The following NEDD4 variants were observed in gnomAD, a reference collection of about 807,000 sequenced individuals.
NEDD4 encodes the protein NEDD4 E3 ubiquitin protein ligase, also known as E3 ubiquitin-protein ligase NEDD4.
In NEDD4, 99 loss-of-function variants were observed where a neutral mutation model predicts 144.9. That is an observed-to-expected ratio of 0.68 (90% CI 0.58 to 0.81). The LOEUF (loss-of-function observed/expected upper bound fraction) is 0.81. NEDD4 is among the 30% of genes least tolerant of loss of function. The pLI is 0.00. For missense variants in NEDD4, 985 were observed against 1,065.9 expected (o/e 0.92, Z 1.06); for synonymous variants, 318 against 350.6 (o/e 0.91, Z 1.04).
intron 1 of NEDD4, among the ~76,000 whole-genome samples, chr15:55,977,297 A>G (rs1489602862): frequency 6.6e-6 from 1 of 152,216 alleles, no homozygotes; most frequent in Non-Finnish European, 1.5e-5. Flanking sequence ...TTACTAATGC[A>G]TACAGTATTC....
At chr15:55,865,633 AC>A (rs1207666522) in intron 8 of NEDD4, among the ~76,000 whole-genome samples, 1 of 152,050 alleles carries the variant, frequency 6.6e-6, no homozygotes, top group Non-Finnish European at 1.5e-5. Flanking sequence ...CCTTAGATAC[AC>A]AGAGCTTCTG....
intron 4 of NEDD4, among the ~76,000 whole-genome samples, chr15:55,941,817 C>T (rs1003051307): frequency 2.0e-5 from 3 of 152,178 alleles, no homozygotes; most frequent in Non-Finnish European, 4.4e-5. Flanking sequence ...AAGTGATATG[C>T]CTGCATCGGC....
At chr15:55,889,810 T>C (rs941386195) in intron 5 of NEDD4, among the ~76,000 whole-genome samples, 8 of 152,034 alleles carry the variant, frequency 5.3e-5, no homozygotes, top group African/African-American at 1.9e-4. Flanking sequence ...AAGCAATTCT[T>C]GTGCCTCAGC....
intron 5 of NEDD4, among the ~76,000 whole-genome samples, chr15:55,895,821 C>G (rs546674720): frequency 6.6e-6 from 1 of 152,170 alleles, no homozygotes; most frequent in South Asian, 2.1e-4. Context: ...TAACGCTGGT[C>G]ATATAATTGG....
intron 5 of NEDD4, chr15:55,917,202 GAAC>G (rs145549988): frequency 0.32 from 304,036 of 961,792 alleles, 49,477 homozygotes; most frequent in South Asian, 0.41. Flanking sequence ...AGTAACACAA[GAAC>G]AACAATCTTC....
intron 16 of NEDD4, 37 bp downstream of exon 16, chr15:55,848,484 C>CA (rs758132315): frequency 6.3e-5 from 102 of 1,612,596 alleles, no homozygotes; most frequent in Non-Finnish European, 8.2e-5. Context: ...AAATTTATTA[C>CA]AAAAAATAAC....
At chr15:55,922,296 T>G (rs1279978122) in intron 5 of NEDD4, among the ~76,000 whole-genome samples, 3 of 152,300 alleles carry the variant, frequency 2.0e-5, no homozygotes, top group African/African-American at 7.2e-5. Flanking sequence ...CAAAAAAGCA[T>G]ATCAGAGGAA....
chr15:55,941,378 A>G (rs549839590), intron 4 of NEDD4, among the ~76,000 whole-genome samples: 2 of 152,244 alleles, frequency 1.3e-5, no homozygotes, highest in South Asian at 4.1e-4. Flanking sequence ...TTCATCCCAC[A>G]TTTGGTATGT....
At chr15:55,977,284 G>A (rs1217191127) in intron 1 of NEDD4, among the ~76,000 whole-genome samples, 1 of 152,036 alleles carries the variant, frequency 6.6e-6, no homozygotes, top group Non-Finnish European at 1.5e-5. Context: ...TATTTACATT[G>A]TATTACTAAT....
chr15:55,989,550 C>T (rs4144243), intron 1 of NEDD4, among the ~76,000 whole-genome samples: 123,391 of 152,162 alleles, frequency 0.81, 50,294 homozygotes, highest in East Asian at 0.99. Flanking sequence ...TCTTACCCTG[C>T]TACTTATGCA....
intron 1 of NEDD4, among the ~76,000 whole-genome samples, chr15:55,977,927 T>C (rs917106845): frequency 6.6e-6 from 1 of 152,158 alleles, no homozygotes; most frequent in Non-Finnish European, 1.5e-5. Context: ...ATCTCTTCTG[T>C]GATGACTTAA....
intron 4 of NEDD4, among the ~76,000 whole-genome samples, chr15:55,937,899 T>C (rs933723026): frequency 3.9e-5 from 6 of 152,228 alleles, no homozygotes; most frequent in Non-Finnish European, 4.4e-5. Context: ...TAATAGTTCC[T>C]GATTTCCAAA....
In NEDD4 at chr15:55,833,088, T is replaced by A. The variant is rs1300550081; in HGVS notation, c.2447A>T (p.Asp816Val). Reference protein sequence around the residue: ...QWFWKAVLMMDSEKRIRLLQF... With the variant: ...QWFWKAVLMMVSEKRIRLLQF... ...AAGTAATCTTATTCTTTTTTCTGAA[T>A]CCATCATTAAAACAGCCTGAATAAG... Residue 816 changes from aspartate (D) to valine (V), a missense_variant, in exon 27 of 29, where the codon GAT (aspartate) becomes GTT (valine). Transcript: ENST00000435532. 6.2e-7 allele frequency: 1 copy of A among 1,612,164 alleles called. No homozygotes were observed. The highest frequency in any genetic ancestry group is 1.1e-5 in the South Asian group (1 of 91,020).
At chr15:55,979,357 T>A (rs1349412501) in intron 1 of NEDD4, among the ~76,000 whole-genome samples, 1 of 130,514 alleles carries the variant, frequency 7.7e-6, no homozygotes, top group African/African-American at 2.9e-5. Context: ...TTTTTTTTTT[T>A]TTTTTTTGAG....
At chr15:55,964,603 G>A (rs2037478460) in intron 2 of NEDD4, among the ~76,000 whole-genome samples, 1 of 150,820 alleles carries the variant, frequency 6.6e-6, no homozygotes, top group East Asian at 1.9e-4. Flanking sequence ...ATTATATCCT[G>A]GACATATATT....
In NEDD4 at chr15:55,923,322, A is replaced by C. The variant is rs574146889; in HGVS notation, c.291+1324T>G. ...CTGTAACTAACCATATCTGATAATC[A>C]AATCAGCAACATCTGTCACTTAGCC... On this transcript the variant is annotated intron_variant, in intron 5 of 28. Transcript: ENST00000435532. Among the ~76,000 whole-genome samples, 25 of 152,356 alleles carry C rather than the reference A, an allele frequency of 1.6e-4. No individual in the cohort carries two copies. The South Asian group carries it at 5.2e-3, about 32-fold the overall frequency.
At chr15:55,921,598 C>T (rs1343977900) in intron 5 of NEDD4, among the ~76,000 whole-genome samples, 5 of 152,098 alleles carry the variant, frequency 3.3e-5, no homozygotes, top group Non-Finnish European at 1.5e-5. Flanking sequence ...CTGATCCACC[C>T]GCCTCAGCCT....
intron 6 of NEDD4, among the ~76,000 whole-genome samples, chr15:55,873,165 T>C (rs2034864763): frequency 6.6e-6 from 1 of 152,148 alleles, no homozygotes; most frequent in South Asian, 2.1e-4. Flanking sequence ...CTCTTTCTTT[T>C]CTGATCCACT....
chr15:55,912,615 G>A (rs2036311473), intron 5 of NEDD4, among the ~76,000 whole-genome samples: 1 of 151,976 alleles, frequency 6.6e-6, no homozygotes, highest in Admixed American at 6.6e-5. Context: ...AACAACAGAT[G>A]GGGGAAACAA....
Sources: allele counts gnomAD v4.1 joint callset (sites outside exome capture counted in the v4.1 genomes callset), GRCh38; gene constraint gnomAD v4.1.1; transcripts MANE v1.5; gene names NCBI Gene and HGNC (gene_info 2026-07-23, HGNC 2026-07-21).